Variants in SYNE1 observed in about 807,000 individuals in gnomAD.
SYNE1 encodes nesprin-1.
Under a neutral mutation model 1,111.0 loss-of-function variants are expected in SYNE1, and 616 were observed. That is an observed-to-expected ratio of 0.55 (90% CI 0.52 to 0.59). SYNE1 has a LOEUF of 0.59. SYNE1 is among the 20% of genes least tolerant of loss of function. SYNE1 has a pLI of 0.00. For missense variants in SYNE1, 10,006 were observed against 10,417.0 expected (o/e 0.96, Z 1.72); for synonymous variants, 3,855 against 3,825.8 (o/e 1.01, Z -0.28).
intron 9 of SYNE1, among the ~76,000 whole-genome samples, chr6:152,503,358 G>A (rs1044204014): frequency 3.9e-5 from 6 of 152,058 alleles, no homozygotes; most frequent in African/African-American, 1.4e-4. Flanking sequence ...ACTCTTCGAG[G>A]GAAACTCTTC....
intron 3 of SYNE1, among the ~76,000 whole-genome samples, chr6:152,576,153 G>C (rs2099495667): frequency 6.6e-6 from 1 of 152,186 alleles, no homozygotes; most frequent in African/African-American, 2.4e-5. Context: ...TGCGTTAGCT[G>C]CTTGCTTTTG....
At chr6:152,162,490 T>C (rs184844390) in intron 131 of SYNE1, among the ~76,000 whole-genome samples, 18 of 152,338 alleles carry the variant, frequency 1.2e-4, no homozygotes, top group East Asian at 9.6e-4. Flanking sequence ...TTCATACACT[T>C]GTGAAATTAC....
rs1226640337 is a variant in SYNE1, at chr6:152,488,473, T to A, written c.970A>T (p.Lys324Ter). The A allele has an allele frequency of 6.2e-7, 1 of 1,606,192 alleles. No individual in the cohort carries two copies. The highest frequency in any genetic ancestry group is 1.7e-4 in the Middle Eastern group (1 of 6,036). Residue 324 changes from lysine (K) to a stop codon, truncating the protein, a stop_gained, in exon 12 of 146, where the codon AAA becomes TAA. Transcript: ENST00000367255. LOFTEE classifies it high-confidence loss of function. ...REDRVIFKEMKVWIEQFERDL... is the reference protein window; with the variant it reads ...REDRVIFKEM ...CTCTCAAATTGTTCTATCCAAACTTTCATTTCCTTAAAAATTACTCTGTCT... is the reference window on the plus strand; with the variant it reads ...CTCTCAAATTGTTCTATCCAAACTTACATTTCCTTAAAAATTACTCTGTCT...
intron 137 of SYNE1, chr6:152,145,970 A>G (rs1157906335): frequency 4.1e-6 from 1 of 246,362 alleles, no homozygotes; most frequent in Non-Finnish European, 7.8e-6. Context: ...GGTTGCAGTG[A>G]GCCGAGATTG....
In SYNE1 at chr6:152,294,065, G is replaced by C. The variant is rs12664753; in HGVS notation, c.17745C>G (p.His5915Gln). The C allele has an allele frequency of 1.2e-6, 2 of 1,613,796 alleles. No individual in the cohort carries two copies. The highest frequency in any genetic ancestry group is 1.3e-5 in the African/African-American group (1 of 75,016). The change falls in exon 94 of 146, where the codon CAC becomes CAG. Residue 5915 changes from histidine (H) to glutamine (Q), a missense_variant. By Grantham distance (24) the His-to-Gln change is conservative. Around this residue, in one of 7 missense-constraint regions of SYNE1, gnomAD observed 4,955 missense variants for 5,017.2 expected, o/e 0.99. Coordinates refer to ENST00000367255, the MANE Select transcript of SYNE1 (RefSeq NM_182961.4). ...ACTCCTGGGATGCGGATGTGCTGGGGTGAATTTTTGCAGCATCTGTCTGCA... is the reference window on the plus strand; with the variant it reads ...ACTCCTGGGATGCGGATGTGCTGGGCTGAATTTTTGCAGCATCTGTCTGCA... The part of the protein sequence containing the change: ...ERLQTDAAKI[H>Q]PSTSASQEFY...
chr6:152,295,647 C>T (rs557779083), intron 93 of SYNE1, among the ~76,000 whole-genome samples: 2 of 152,120 alleles, frequency 1.3e-5, no homozygotes, highest in Admixed American at 6.6e-5. Flanking sequence ...CACACAAACA[C>T]GCACACACAC....
chr6:152,438,802 C>G (rs1260937357), intron 32 of SYNE1, among the ~76,000 whole-genome samples: 1 of 152,132 alleles, frequency 6.6e-6, no homozygotes, highest in Non-Finnish European at 1.5e-5. Flanking sequence ...TTTGTAATAA[C>G]AAAGCAAAAT....
chr6:152,243,340 G>A (rs2086246866), intron 106 of SYNE1, among the ~76,000 whole-genome samples: 1 of 152,230 alleles, frequency 6.6e-6, no homozygotes, highest in Non-Finnish European at 1.5e-5. Context: ...TGAGCAGAAA[G>A]AGTTTCAAAC....
At chr6:152,213,118 T>C (rs962850525) in intron 123 of SYNE1, among the ~76,000 whole-genome samples, 2 of 152,180 alleles carry the variant, frequency 1.3e-5, no homozygotes, top group African/African-American at 2.4e-5. Context: ...TAAGAAATAA[T>C]TATAATGCAA....
chr6:152,176,296 G>C, intron 130 of SYNE1, 98 bp downstream of exon 130: 5 of 1,527,092 alleles, frequency 3.3e-6, no homozygotes, highest in Non-Finnish European at 4.5e-6. Flanking sequence ...CCCAGGAAGA[G>C]AGACTGATTT....
chr6:152,363,449 G>A (rs549740763), intron 63 of SYNE1, among the ~76,000 whole-genome samples: 7 of 150,940 alleles, frequency 4.6e-5, no homozygotes, highest in African/African-American at 7.2e-5. Context: ...AGCCGAGATC[G>A]TGCCACTGCA....
chr6:152,171,202 A>C (rs9322363), intron 130 of SYNE1, among the ~76,000 whole-genome samples: 64,200 of 152,164 alleles, frequency 0.42, 14,357 homozygotes, highest in East Asian at 0.65. Context: ...TACTATTATG[A>C]TTCTCATTTT....
At chr6:152,272,805 T>A (rs974846989) in intron 98 of SYNE1, among the ~76,000 whole-genome samples, 3 of 152,220 alleles carry the variant, frequency 2.0e-5, no homozygotes, top group African/African-American at 7.2e-5. Context: ...AAGCCCCAAT[T>A]AAAGAGCATT....
chr6:152,376,865 G>A lies in SYNE1; in HGVS notation c.9057C>T (p.Leu3019=). The A allele has an allele frequency of 1.9e-6, 3 of 1,614,058 alleles. No individual in the cohort carries two copies. Among genetic ancestry groups the A allele is most frequent in the Non-Finnish European group, 2.5e-6 (3 of 1,180,002 alleles). ...GACAAAGTTCATTCAGCTGAGACTT[G>A]AGATCCTCTGTTCTAGGCTCTGCTT... ...LQKAEPRTED[L]KSQLNELCRF... The change falls in exon 57 of 146, where the codon CTC becomes CTT. Residue 3019 remains leucine (L), a synonymous_variant. Coordinates refer to ENST00000367255, the MANE Select transcript of SYNE1 (RefSeq NM_182961.4).
At chr6:152,481,983 G>C (rs1434990897) in intron 14 of SYNE1, among the ~76,000 whole-genome samples, 1 of 151,908 alleles carries the variant, frequency 6.6e-6, no homozygotes, top group Non-Finnish European at 1.5e-5. Context: ...TGGTGATTGG[G>C]GGAGGAGAGG....
At chr6:152,313,464 CTTTT>C (rs35627993) in intron 87 of SYNE1, among the ~76,000 whole-genome samples, 1 of 135,624 alleles carries the variant, frequency 7.4e-6, no homozygotes, top group African/African-American at 2.7e-5. Flanking sequence ...ATTTTCTTTT[CTTTT>C]TTTTTTTTTT....
rs990910436 is a variant in SYNE1, at chr6:152,616,055, G to T, written c.67+12210C>A. 2.0e-5 allele frequency among the ~76,000 whole-genome samples: 3 copies of T among 152,168 alleles called. No individual in the cohort carries two copies. In the East Asian group the frequency reaches 5.8e-4, roughly 29 times the overall value. ...GTTTCTCATCATGATTATTCAGTATGACTTAAATGTTTTTGGTGGGAAACT... is the reference window on the plus strand; with the variant it reads ...GTTTCTCATCATGATTATTCAGTATTACTTAAATGTTTTTGGTGGGAAACT... On this transcript the variant is annotated intron_variant, in intron 3 of 145. Coordinates refer to ENST00000367255, the MANE Select transcript of SYNE1 (RefSeq NM_182961.4).
At chr6:152,385,898 A>G (rs972660935) in intron 54 of SYNE1, 60 bp from the exon 55 acceptor site, 2 of 1,540,248 alleles carry the variant, frequency 1.3e-6, no homozygotes, top group Non-Finnish European at 1.8e-6. Context: ...GAACTCAGGT[A>G]AGACAACAGG....
chr6:152,325,158 G>C lies in SYNE1; in HGVS notation c.15583C>G (p.Leu5195Val). ...TCCTGGTCCTGGGCCACAGCTCGAA[G>C]GCGTGTCCAGCGCTGCCAGACGGTG... is the stretch of plus-strand genomic sequence containing the variant. ...MTTVWQRWTR[L>V]RAVAQDQEKI... Residue 5195 changes from leucine (L) to valine (V), a missense_variant, in exon 81 of 146, where the codon CTT becomes GTT. Coordinates refer to ENST00000367255, the MANE Select transcript of SYNE1 (RefSeq NM_182961.4). 6.2e-7 allele frequency: 1 copy of C among 1,614,238 alleles called. No individual in the cohort carries two copies. Among genetic ancestry groups the C allele is most frequent in the Non-Finnish European group, 8.5e-7 (1 of 1,180,044 alleles).
Sources: gnomAD v4.1 joint callset for allele counts (sites outside exome capture counted in the v4.1 genomes callset) on GRCh38, gnomAD v4.1.1 for gene constraint, gnomAD v4.1.1 regional missense constraint, MANE v1.5 for transcripts, NCBI Gene and HGNC (gene_info 2026-07-23, HGNC 2026-07-21) for gene names.